Variants in MED23 observed in about 807,000 individuals in gnomAD.
MED23 encodes the protein mediator of RNA polymerase II transcription subunit 23.
A neutral mutation model predicts 163.9 loss-of-function variants in MED23; 105 were observed. The ratio of observed to expected loss-of-function variants is 0.64; its 90% confidence interval spans 0.55 to 0.75. The LOEUF is 0.75. Ranked by LOEUF, MED23 falls within the 30% of genes least tolerant of loss-of-function variation. MED23 has a pLI of 0.00. For missense variants in MED23, 1,054 were observed against 1,649.0 expected (o/e 0.64, Z 6.25); for synonymous variants, 561 against 565.6 (o/e 0.99, Z 0.12).
chr6:131,591,425 C>T lies in MED23; in HGVS notation c.3574G>A (p.Asp1192Asn), dbSNP rs202076275. The change falls in exon 26 of 29, where the codon GAT becomes AAT. Residue 1192 changes from aspartate to asparagine, a missense_variant. Around this residue, in one of 11 missense-constraint regions of MED23, gnomAD observed 362 missense variants for 471.6 expected, o/e 0.77. Transcript: ENST00000368068. Reference protein sequence around the residue: ...EWVGYPFRLFDFTACHQSYSE... With the variant: ...EWVGYPFRLFNFTACHQSYSE... ...TAGGACTGATGACAGGCAGTGAAAT[C>T]AAAGAGGCGGAATGGATAGCCAACC... 1.4e-4 allele frequency: 220 copies of T among 1,613,748 alleles called. No individual in the cohort carries two copies. The highest frequency in any genetic ancestry group is 1.3e-5 in the African/African-American group (1 of 74,904).
At chr6:131,618,655 T>C in intron 8 of MED23, 136 bp from the exon 9 acceptor site, 3 of 660,576 alleles carry the variant, frequency 4.5e-6, no homozygotes, top group Non-Finnish European at 5.4e-6. Context: ...AATGTTTCAA[T>C]GAGACTGAAG....
chr6:131,603,650 T>C (rs1775648077), intron 15 of MED23, among the ~76,000 whole-genome samples: 2 of 152,178 alleles, frequency 1.3e-5, no homozygotes, highest in Admixed American at 6.5e-5. Context: ...AGAGTTATTG[T>C]GGTTAAAATT....
chr6:131,627,690 A>AC lies in MED23; in HGVS notation c.40-19dup. ...TCCGTTTTCTGTAAAAAAAAAAAAA[A>AC]CAAAATGTAAACAATGTTAATTTTA... On this transcript the variant is annotated intron_variant, in intron 1 of 28. Coordinates refer to ENST00000368068, the MANE Select transcript of MED23 (RefSeq NM_004830.4). 1.3e-6 allele frequency: 2 copies of AC among 1,591,574 alleles called. No homozygotes were observed. Among genetic ancestry groups the AC allele is most frequent in the African/African-American group, 2.7e-5 (2 of 73,594 alleles).
chr6:131,578,621 TTGTGTGTCTGTGTG>T (rs1773748939), intron 30 of MED23, among the ~76,000 whole-genome samples: 1 of 152,106 alleles, frequency 6.6e-6, no homozygotes, highest in Non-Finnish European at 1.5e-5. Flanking sequence ...AATGGATACT[TTGTGTGTCTGTGTG>T]TGTGTGTATC....
intron 25 of MED23, 55 bp from the exon 26 acceptor site, chr6:131,591,582 C>T (rs1163989065): frequency 3.1e-6 from 4 of 1,304,310 alleles, no homozygotes; most frequent in Non-Finnish European, 4.4e-6. Context: ...CATTCCACCC[C>T]AAAGTCTAAA....
chr6:131,618,978 C>A (rs1365841482), intron 8 of MED23, among the ~76,000 whole-genome samples: 1 of 152,186 alleles, frequency 6.6e-6, no homozygotes, highest in Non-Finnish European at 1.5e-5. Flanking sequence ...ACTTTATGCA[C>A]GATATTCCTA....
At chr6:131,627,802 C>A in intron 1 of MED23, 130 bp from the exon 2 acceptor site, 1 of 1,050,488 alleles carries the variant, frequency 9.5e-7, no homozygotes, top group Non-Finnish European at 1.5e-6. Context: ...ACCTGTCTGG[C>A]CTGTCACTGT....
chr6:131,596,053 G>C lies in MED23; in HGVS notation c.2889C>G (p.Phe963Leu). The change falls in exon 22 of 29, where the codon TTC becomes TTG. Residue 963 changes from phenylalanine to leucine, a missense_variant. Coordinates refer to ENST00000368068, the MANE Select transcript of MED23 (RefSeq NM_004830.4). ...GGATTACTATATCAAATACTGGAAG[G>C]AATCGAAGACACACATTCCCAAAAT... Reference protein sequence around the residue: ...PIYFGNVCLRFLPVFDIVIHR... With the variant: ...PIYFGNVCLRLLPVFDIVIHR... 1 of 1,613,988 alleles carries C rather than the reference G, an allele frequency of 6.2e-7. No individual in the cohort carries two copies. The highest frequency in any genetic ancestry group is 8.5e-7 in the Non-Finnish European group (1 of 1,179,902).
At chr6:131,587,966 G>C in intron 28 of MED23, 120 bp from the exon 29 acceptor site, 1 of 820,654 alleles carries the variant, frequency 1.2e-6, no homozygotes, top group Non-Finnish European at 2.0e-6. Flanking sequence ...GGGTAGATGA[G>C]AAGTTTCTTA....
rs1050562229 is a variant in MED23, at chr6:131,587,603, G to A, written c.*76C>T. On this transcript the variant is annotated 3_prime_UTR_variant, in exon 29 of 29. Coordinates refer to ENST00000368068, the MANE Select transcript of MED23 (RefSeq NM_004830.4). ...TCTACTATATCACTACAGTGTGATC[G>A]CATTCAGATTTAAAAGGTTTGAGTC... 68 of 1,605,348 alleles carry A rather than the reference G, an allele frequency of 4.2e-5. No individual in the cohort carries two copies. The highest frequency in any genetic ancestry group is 2.0e-4 in the Admixed American group (12 of 59,114).
exon 31 of MED23, chr6:131,574,074 TGCCTGGG>T: frequency 1.5e-5 from 9 of 610,574 alleles, no homozygotes; most frequent in Admixed American, 1.0e-4. Context: ...CTTTTTTTTC[TGCCTGGG>T]CACACTTATT....
chr6:131,575,490 G>A (rs1291506549), intron 30 of MED23, among the ~76,000 whole-genome samples: 1 of 152,154 alleles, frequency 6.6e-6, no homozygotes, highest in Non-Finnish European at 1.5e-5. Context: ...AATGTGTCAG[G>A]CAGAGGATAG....
At chr6:131,612,202 T>C (rs1776325716) in intron 10 of MED23, among the ~76,000 whole-genome samples, 1 of 152,058 alleles carries the variant, frequency 6.6e-6, no homozygotes, top group African/African-American at 2.4e-5. Context: ...CAGGTGTTTT[T>C]GGTTAAAACC....
intron 28 of MED23, among the ~76,000 whole-genome samples, 172 bp downstream of exon 28, chr6:131,589,293 T>C (rs1416383573): frequency 1.3e-5 from 2 of 152,096 alleles, no homozygotes; most frequent in African/African-American, 2.4e-5. Context: ...TAATACTACA[T>C]CTAGAATAAT....
intron 25 of MED23, 168 bp from the exon 26 acceptor site, chr6:131,591,695 G>C: frequency 1.6e-6 from 1 of 643,862 alleles, no homozygotes; most frequent in East Asian, 2.7e-5. Flanking sequence ...GTAACAACCT[G>C]GGAGAAGTAA....
chr6:131,625,563 T>G (rs1373028476), intron 3 of MED23, among the ~76,000 whole-genome samples: 2 of 152,224 alleles, frequency 1.3e-5, no homozygotes, highest in Non-Finnish European at 2.9e-5. Flanking sequence ...AATGTTCTGC[T>G]TCTCTCCACA....
intron 3 of MED23, 59 bp downstream of exon 3, chr6:131,627,337 A>G: frequency 1.6e-6 from 2 of 1,260,178 alleles, no homozygotes; most frequent in Admixed American, 2.1e-5. Flanking sequence ...AAGAAAAAAA[A>G]AAAAAAAAAG....
At chr6:131,621,419 T>C (rs954665644) in intron 6 of MED23, among the ~76,000 whole-genome samples, 1 of 152,058 alleles carries the variant, frequency 6.6e-6, no homozygotes, top group African/African-American at 2.4e-5. Flanking sequence ...ATGGATTTAT[T>C]GGGTTTCAAC....
In MED23 at chr6:131,608,132, G is replaced by A. The variant is rs531964068; in HGVS notation, c.1078-61C>T. ...CTACTTAAAGAGATGAATACAGGAA[G>A]TTTTTGTTGTTTTTTTGTTTTTGTT... On this transcript the variant is annotated intron_variant, in intron 11 of 28. Coordinates refer to ENST00000368068, the MANE Select transcript of MED23 (RefSeq NM_004830.4). 1.2e-4 allele frequency: 195 copies of A among 1,580,618 alleles called. 1 individual carries two copies. Among genetic ancestry groups the A allele is most frequent in the Admixed American group, 2.2e-4 (13 of 59,006 alleles).
Sources: gnomAD v4.1 joint callset for allele counts (sites outside exome capture counted in the v4.1 genomes callset) on GRCh38, gnomAD v4.1.1 for gene constraint, gnomAD v4.1.1 regional missense constraint, MANE v1.5 for transcripts, NCBI Gene and HGNC (gene_info 2026-07-23, HGNC 2026-07-21) for gene names.